The following PAN3 variants were observed in gnomAD, a reference collection of about 807,000 sequenced individuals.
The protein encoded by PAN3 is poly(A) specific ribonuclease subunit PAN3.
PAN3 carries 19 observed loss-of-function variants against 96.2 expected under a neutral mutation model. That is an observed-to-expected ratio of 0.20 (90% CI 0.14 to 0.29). The LOEUF (loss-of-function observed/expected upper bound fraction) is 0.29. Among genes scored for constraint, PAN3 ranks in the 10% least tolerant of loss-of-function variants. The pLI is 1.00. For missense variants in PAN3, 882 were observed against 1,108.1 expected, an observed-to-expected ratio of 0.80 and a Z score of 2.90; for synonymous variants, 433 against 406.6, an observed-to-expected ratio of 1.06 and a Z score of -0.78.
intron 6 of PAN3, among the ~76,000 whole-genome samples, chr13:28,227,822 T>C (rs1882160241): frequency 6.6e-6 from 1 of 152,192 alleles, no homozygotes; most frequent in Admixed American, 6.5e-5. Context: ...TAGAAAATCT[T>C]CCCATGGCTC....
At chr13:28,221,598 A>G (rs1287097520) in intron 6 of PAN3, among the ~76,000 whole-genome samples, 1 of 152,118 alleles carries the variant, frequency 6.6e-6, no homozygotes, top group East Asian at 1.9e-4. Context: ...AGAGCTTAAT[A>G]ACCTTGTGTT....
rs10707261 is a variant in PAN3 at position 28,281,766 on chromosome 13, CTTT to C, written c.2384+405_2384+407del. Among the ~76,000 whole-genome samples, 19 of 114,912 alleles carry C rather than the reference CTTT, an allele frequency of 1.7e-4. No homozygotes were observed. The East Asian group carries it at 1.7e-3, about 10-fold the overall frequency. 75.4% of individuals were successfully genotyped at this position (114,912 alleles called of 152,430 possible). A position where few individuals can be genotyped will look rare whatever the true frequency, so the allele number is the denominator to read the frequency against. On this transcript the variant is annotated intron_variant, in intron 17 of 18. Transcript: ENST00000380958. ...GCCTCTTACCTTCTATTAAAGCACA[CTTT>C]TTTTTTTTTTTTTTTTTCTTGAGAC...
chr13:28,155,962 G>GCC (rs1198576404), intron 1 of PAN3, among the ~76,000 whole-genome samples: 1 of 152,120 alleles, frequency 6.6e-6, no homozygotes, highest in Non-Finnish European at 1.5e-5. Context: ...ATAAGCTGTG[G>GCC]CCACGTTGTG....
intron 10 of PAN3, 29 bp downstream of exon 10, chr13:28,266,905 A>T: frequency 1.3e-6 from 2 of 1,513,678 alleles, no homozygotes; most frequent in Non-Finnish European, 1.8e-6. Flanking sequence ...CTTCTTTTAT[A>T]ATCGTATCAT....
At chr13:28,255,407 T>A (rs375135651) in intron 6 of PAN3, among the ~76,000 whole-genome samples, 13 of 152,230 alleles carry the variant, frequency 8.5e-5, no homozygotes, top group African/African-American at 1.2e-4. Flanking sequence ...TGGGTTTTTT[T>A]AAGTTATTTT....
chr13:28,274,256 C>CT (rs1393946221), intron 14 of PAN3, among the ~76,000 whole-genome samples: 6 of 152,150 alleles, frequency 3.9e-5, no homozygotes, highest in Non-Finnish European at 8.8e-5. Flanking sequence ...TTCTTAGCTA[C>CT]TTTCATTCTT....
chr13:28,256,573 C>T (rs745798185), intron 7 of PAN3, 34 bp downstream of exon 7: 1 of 1,581,448 alleles, frequency 6.3e-7, no homozygotes, highest in South Asian at 1.2e-5. Context: ...TTTTAGTACT[C>T]TCTTGTAACA....
chr13:28,197,455 T>C, intron 5 of PAN3, 109 bp downstream of exon 5: 1 of 1,066,968 alleles, frequency 9.4e-7, no homozygotes, highest in Non-Finnish European at 1.3e-6. Context: ...GCTGGTATAC[T>C]TAGGTAATTA....
At chr13:28,178,459 G>C (rs1213063522) in intron 4 of PAN3, among the ~76,000 whole-genome samples, 1 of 152,032 alleles carries the variant, frequency 6.6e-6, no homozygotes, top group Non-Finnish European at 1.5e-5. Flanking sequence ...ATGGATTTTT[G>C]AAGTATTTTA....
chr13:28,139,670 T>A (rs1222431714), intron 1 of PAN3, among the ~76,000 whole-genome samples: 2 of 151,840 alleles, frequency 1.3e-5, no homozygotes, highest in African/African-American at 4.8e-5. Context: ...TTTCTAAGGA[T>A]TAGGAGGGAG....
intron 4 of PAN3, among the ~76,000 whole-genome samples, chr13:28,188,647 A>C (rs1371510574): frequency 6.6e-6 from 1 of 152,232 alleles, no homozygotes; most frequent in Non-Finnish European, 1.5e-5. Flanking sequence ...GTAAATAGTG[A>C]AATGATTACA....
At chr13:28,224,796 A>T (rs1428239002) in intron 6 of PAN3, among the ~76,000 whole-genome samples, 2 of 151,888 alleles carry the variant, frequency 1.3e-5, no homozygotes, top group South Asian at 2.1e-4. Context: ...TTCTTTTTAA[A>T]TTTTTTTTGT....
At chr13:28,206,901 G>A (rs1243590267) in intron 5 of PAN3, among the ~76,000 whole-genome samples, 3 of 151,530 alleles carry the variant, frequency 2.0e-5, no homozygotes, top group Admixed American at 2.0e-4. Flanking sequence ...TTGACTCCTG[G>A]ATACTTTTTT....
At chr13:28,156,019 T>G (rs1370133855) in intron 1 of PAN3, among the ~76,000 whole-genome samples, 1 of 152,136 alleles carries the variant, frequency 6.6e-6, no homozygotes, top group Non-Finnish European at 1.5e-5. Context: ...AAGATCTGTG[T>G]TTTACCACCC....
rs1886359571 is a variant in PAN3 at position 28,268,398 on chromosome 13, A to C, written c.1792+997A>C. On this transcript the variant is annotated intron_variant, in intron 12 of 18. Transcript: ENST00000380958. ...TGAAGGTTGGATTCCATGTTACTTA[A>C]TCTAAGGTTTCAAAATAGAATTTTA... Among the ~76,000 whole-genome samples, 2 of 152,068 alleles carry C rather than the reference A, an allele frequency of 1.3e-5. 1 individual carries two copies. The highest frequency in any genetic ancestry group is 4.1e-4 in the South Asian group (2 of 4,832).
rs1233024159 is a variant in PAN3, at chr13:28,213,130, GAAAA to G, written c.853-7096_853-7093del. Among the ~76,000 whole-genome samples the G allele has an allele frequency of 2.0e-5, 3 of 151,296 alleles. No individual in the cohort carries two copies. In the South Asian group the frequency reaches 6.3e-4, roughly 32 times the overall value. On this transcript the variant is annotated intron_variant, in intron 5 of 18. Transcript: ENST00000380958. ...TTCAACCAATCATGGACCGGGGGAA[GAAAA>G]AAAACCCAAACACCAAAAAAATCAT... is the stretch of plus-strand genomic sequence containing the variant.
intron 5 of PAN3, among the ~76,000 whole-genome samples, chr13:28,211,821 C>G (rs1315109512): frequency 6.6e-6 from 1 of 152,160 alleles, no homozygotes; most frequent in Non-Finnish European, 1.5e-5. Context: ...ACAGTGATCC[C>G]TGAGAGATGG....
intron 9 of PAN3, among the ~76,000 whole-genome samples, chr13:28,264,193 G>A (rs913331908): frequency 6.6e-6 from 1 of 151,946 alleles, no homozygotes; most frequent in African/African-American, 2.4e-5. Context: ...ATACTTTTAA[G>A]TATAAAAAAT....
intron 4 of PAN3, among the ~76,000 whole-genome samples, chr13:28,179,566 AT>A (rs1875493410): frequency 6.6e-6 from 1 of 152,094 alleles, no homozygotes. Flanking sequence ...AATAAAAAAA[AT>A]TAGTCAGGTG....
Sources: gnomAD v4.1 joint callset for allele counts (sites outside exome capture counted in the v4.1 genomes callset) on GRCh38, gnomAD v4.1.1 for gene constraint, MANE v1.5 for transcripts, NCBI Gene and HGNC (gene_info 2026-07-23, HGNC 2026-07-21) for gene names.